EYA3: variants seen among roughly 807,000 people sequenced by gnomAD.
EYA3 encodes EYA transcriptional coactivator and phosphatase 3.
In EYA3, 39 loss-of-function variants were observed where a neutral mutation model predicts 80.0. The ratio of observed to expected loss-of-function variants is 0.49; its 90% confidence interval spans 0.38 to 0.64. The LOEUF is 0.64. Among genes scored for constraint, EYA3 ranks in the 30% least tolerant of loss-of-function variants. EYA3 has a pLI of 0.00. For synonymous variants in EYA3, 206 were observed against 232.8 expected (o/e 0.88, Z 1.05); for missense variants, 523 against 676.1 (o/e 0.77, Z 2.51).
chr1:28,040,489 G>C (rs1184470673), intron 4 of EYA3, among the ~76,000 whole-genome samples: 2 of 152,134 alleles, frequency 1.3e-5, no homozygotes, highest in African/African-American at 4.8e-5. Context: ...CATTAACCAT[G>C]TACAAGATAT....
chr1:28,010,812 T>G, intron 10 of EYA3, 135 bp downstream of exon 10: 1 of 1,012,692 alleles, frequency 9.9e-7, no homozygotes, highest in South Asian at 1.8e-5. Context: ...CGTGGCCAAT[T>G]TAGTTTATTT....
intron 5 of EYA3, 85 bp downstream of exon 5, chr1:28,038,754 T>C (rs914259885): frequency 4.1e-6 from 3 of 729,728 alleles, no homozygotes; most frequent in Non-Finnish European, 6.6e-6. Context: ...TAAATATCTA[T>C]TATTTTAGAG....
intron 4 of EYA3, among the ~76,000 whole-genome samples, chr1:28,042,138 T>C (rs368970127): frequency 1.3e-5 from 2 of 152,194 alleles, no homozygotes; most frequent in Non-Finnish European, 2.9e-5. Context: ...ATGATTCTTA[T>C]GTAGGCTAAA....
intron 2 of EYA3, among the ~76,000 whole-genome samples, chr1:28,051,457 G>A (rs1326313651): frequency 1.3e-5 from 2 of 152,208 alleles, no homozygotes; most frequent in Non-Finnish European, 2.9e-5. Context: ...GGAGGCCAAG[G>A]CAGGTGGATC....
At chr1:28,018,651 G>T (rs1409412132) in intron 7 of EYA3, among the ~76,000 whole-genome samples, 1 of 152,198 alleles carries the variant, frequency 6.6e-6, no homozygotes, top group Non-Finnish European at 1.5e-5. Context: ...CTTTCCCTAA[G>T]GGTACTCGGC....
chr1:28,055,970 G>C (rs1371613404), intron 2 of EYA3, among the ~76,000 whole-genome samples: 10 of 151,326 alleles, frequency 6.6e-5, no homozygotes, highest in Admixed American at 4.6e-4. Flanking sequence ...TCATATTTTA[G>C]ATCTCCACTA....
intron 2 of EYA3, among the ~76,000 whole-genome samples, chr1:28,050,717 T>G (rs1193236287): frequency 6.6e-6 from 1 of 152,168 alleles, no homozygotes; most frequent in South Asian, 2.1e-4. Flanking sequence ...TATGGCCCAT[T>G]GTTTGTCTTG....
At chr1:28,004,700 C>CAT (rs201295440) in intron 10 of EYA3, among the ~76,000 whole-genome samples, 2,310 of 151,626 alleles carry the variant, frequency 0.015, 57 homozygotes, top group African/African-American at 0.052. Flanking sequence ...TTACATTTTA[C>CAT]ATATATATAT....
chr1:27,993,213 G>A lies in EYA3; in HGVS notation c.1303+187C>T, dbSNP rs561061932. The stretch of plus-strand genomic sequence containing the variant: ...TCCAAAATTATGCTTAGAGAAGCCC[G>A]TTAGAAATATAGAGCTTCCTCCCAA... On this transcript the variant is annotated intron_variant, in intron 14 of 17. Transcript: ENST00000373871. Among the ~76,000 whole-genome samples, 5 of 152,202 alleles carry A rather than the reference G, an allele frequency of 3.3e-5. 1 individual carries two copies. In the South Asian group the frequency reaches 1.0e-3, roughly 32 times the overall value.
intron 2 of EYA3, among the ~76,000 whole-genome samples, chr1:28,049,162 G>C (rs962532536): frequency 2.0e-5 from 3 of 152,134 alleles, no homozygotes; most frequent in Non-Finnish European, 4.4e-5. Context: ...AACTCTCCTA[G>C]ATAATTTGAA....
intron 17 of EYA3, chr1:27,977,153 C>G: frequency 7.0e-7 from 1 of 1,427,288 alleles, no homozygotes; most frequent in Non-Finnish European, 9.1e-7. Flanking sequence ...GTGTCTTTCC[C>G]AAAGAGGGCA....
intron 1 of EYA3, among the ~76,000 whole-genome samples, chr1:28,081,079 T>G (rs1192662368): frequency 1.3e-5 from 2 of 152,098 alleles, no homozygotes; most frequent in Non-Finnish European, 2.9e-5. Context: ...AATTGTAGTT[T>G]TATATAAGCA....
intron 16 of EYA3, among the ~76,000 whole-genome samples, chr1:27,985,261 A>G (rs1639575560): frequency 6.7e-6 from 1 of 149,614 alleles, no homozygotes; most frequent in Admixed American, 6.7e-5. Context: ...AACAAAAAAA[A>G]CAAAAACAAA....
At chr1:28,072,207 T>C (rs1339666775) in intron 1 of EYA3, among the ~76,000 whole-genome samples, 1 of 152,196 alleles carries the variant, frequency 6.6e-6, no homozygotes, top group African/African-American at 2.4e-5. Flanking sequence ...AGCAGTATCT[T>C]ATAAACCAAT....
chr1:28,046,624 A>G (rs1465968696), intron 3 of EYA3, among the ~76,000 whole-genome samples: 1 of 152,166 alleles, frequency 6.6e-6, no homozygotes, highest in Non-Finnish European at 1.5e-5. Flanking sequence ...TGCCTGTTTT[A>G]GATCTTATCA....
intron 7 of EYA3, 49 bp downstream of exon 7, chr1:28,027,740 G>GA (rs1217029634): frequency 1.2e-6 from 2 of 1,608,170 alleles, no homozygotes; most frequent in Non-Finnish European, 1.7e-6. Flanking sequence ...TTAAAAACAA[G>GA]AAACAATAAT....
intron 2 of EYA3, among the ~76,000 whole-genome samples, chr1:28,053,949 G>C (rs761457569): frequency 3.3e-5 from 5 of 152,210 alleles, no homozygotes; most frequent in Non-Finnish European, 7.3e-5. Flanking sequence ...AAGCATGCTA[G>C]TGCTAGGTAA....
intron 16 of EYA3, among the ~76,000 whole-genome samples, chr1:27,987,323 A>T (rs1639725413): frequency 6.6e-6 from 1 of 152,206 alleles, no homozygotes; most frequent in Non-Finnish European, 1.5e-5. Flanking sequence ...ATAATATTTC[A>T]CTGTACGTGT....
intron 1 of EYA3, among the ~76,000 whole-genome samples, chr1:28,070,664 T>G (rs1225702424): frequency 6.6e-6 from 1 of 152,140 alleles, no homozygotes; most frequent in East Asian, 1.9e-4. Flanking sequence ...CATAAAACAC[T>G]TAAAAACTTT....
Sources: gnomAD v4.1 joint callset for allele counts (sites outside exome capture counted in the v4.1 genomes callset) on GRCh38, gnomAD v4.1.1 for gene constraint, MANE v1.5 for transcripts, NCBI Gene and HGNC (gene_info 2026-07-23, HGNC 2026-07-21) for gene names.